The following TRDMT1 variants were observed in gnomAD, a reference collection of about 807,000 sequenced individuals.
TRDMT1 encodes the protein tRNA aspartic acid methyltransferase 1, also known as tRNA (cytosine(38)-C(5))-methyltransferase.
Under a neutral mutation model 51.2 loss-of-function variants are expected in TRDMT1, and 49 were observed. The ratio of observed to expected loss-of-function variants is 0.96; its 90% confidence interval spans 0.76 to 1.21. TRDMT1 has a LOEUF of 1.21. Among genes scored for constraint, TRDMT1 ranks in the 50% most tolerant of loss-of-function variants. TRDMT1 has a pLI of 0.00. For synonymous variants in TRDMT1, 187 were observed against 164.6 expected (o/e 1.14, Z -1.04); for missense variants, 534 against 462.3 (o/e 1.16, Z -1.42).
chr10:17,163,888 CAA>C (rs958466707), intron 3 of TRDMT1, among the ~76,000 whole-genome samples: 1 of 151,740 alleles, frequency 6.6e-6, no homozygotes, highest in East Asian at 1.9e-4. Context: ...GCTTACCAAC[CAA>C]AAAAAAGTCC....
At chr10:17,197,018 T>C (rs1845537104) in intron 1 of TRDMT1, among the ~76,000 whole-genome samples, 1 of 152,176 alleles carries the variant, frequency 6.6e-6, no homozygotes, top group Non-Finnish European at 1.5e-5. Context: ...GGGATAAAGC[T>C]TCACTGTGGC....
chr10:17,153,712 A>C, intron 9 of TRDMT1, 76 bp from the exon 10 acceptor site: 2 of 1,433,610 alleles, frequency 1.4e-6, no homozygotes, highest in East Asian at 2.4e-5. Context: ...GAGATAGTTG[A>C]AACTCGATGG....
intron 5 of TRDMT1, 90 bp from the exon 6 acceptor site, chr10:17,160,464 G>C: frequency 1.1e-6 from 1 of 905,118 alleles, no homozygotes; most frequent in South Asian, 2.4e-5. Context: ...TCTTTTGTTT[G>C]TTTTCTTGTT....
At chr10:17,182,213 T>C (rs1369818109) in intron 1 of TRDMT1, among the ~76,000 whole-genome samples, 2 of 152,130 alleles carry the variant, frequency 1.3e-5, no homozygotes, top group Admixed American at 1.3e-4. Context: ...GGAGAACATA[T>C]ATAAAAATGC....
At chr10:17,172,563 A>G (rs1429069664) in intron 2 of TRDMT1, among the ~76,000 whole-genome samples, 2 of 152,198 alleles carry the variant, frequency 1.3e-5, no homozygotes, top group African/African-American at 2.4e-5. Flanking sequence ...TTTTTTACTC[A>G]AAAGCACCAA....
At chr10:17,165,441 T>G (rs1337423835) in intron 3 of TRDMT1, among the ~76,000 whole-genome samples, 1 of 152,114 alleles carries the variant, frequency 6.6e-6, no homozygotes, top group Non-Finnish European at 1.5e-5. Flanking sequence ...GGCAATACCA[T>G]TCAGGACATA....
chr10:17,153,493 C>A lies in TRDMT1; in HGVS notation c.1075+14G>T, dbSNP rs758230604. The A allele has an allele frequency of 1.2e-6, 2 of 1,613,326 alleles. No individual in the cohort carries two copies. The highest frequency in any genetic ancestry group is 1.7e-6 in the Non-Finnish European group (2 of 1,179,692). ...TAATACATGAAAGCTGAATTCTGCA[C>A]GTATCCCACATACCGAACTCTGGAG... is the stretch of plus-strand genomic sequence containing the variant. On this transcript the variant is annotated intron_variant, in intron 10 of 10. Coordinates refer to ENST00000377799, the MANE Select transcript of TRDMT1 (RefSeq NM_004412.7).
rs1029660925 is a variant in TRDMT1 at position 17,144,967 on chromosome 10, G to T, written c.*4073C>A. 35 of 985,268 alleles carry T rather than the reference G, an allele frequency of 3.6e-5. No homozygotes were observed. Among genetic ancestry groups the T allele is most frequent in the Non-Finnish European group, 4.2e-5 (35 of 829,940 alleles). The allele number at this position is 985,268 out of a possible 1,614,324, so 61.0% of individuals were successfully genotyped here. On this transcript the variant is annotated 3_prime_UTR_variant, in exon 11 of 11. Coordinates refer to ENST00000377799, the MANE Select transcript of TRDMT1 (RefSeq NM_004412.7). ...CTTTTTAAAAAACATGCAAAGGGAG[G>T]CTGGGCGTGGTGGCTCATGCCTGTA...
Position 17,145,277 on chromosome 10 carries a change from C to A in TRDMT1, c.*3763G>T, listed in dbSNP as rs867810165. ...CAAAACAAAACAAAACAAAACAAAA[C>A]AAAAAAAACAGCAAAGGGAAACTCT... On this transcript the variant is annotated 3_prime_UTR_variant, in exon 11 of 11. Coordinates refer to ENST00000377799, the MANE Select transcript of TRDMT1 (RefSeq NM_004412.7). The A allele has an allele frequency of 2.1e-6, 2 of 940,486 alleles. No homozygotes were observed. The highest frequency in any genetic ancestry group is 2.5e-6 in the Non-Finnish European group (2 of 790,854). 58.3% of individuals were successfully genotyped at this position (940,486 alleles called of 1,614,324 possible).
Position 17,148,123 on chromosome 10 carries a change from G to T in TRDMT1, c.*917C>A. The T allele has an allele frequency of 1.0e-6, 1 of 985,314 alleles. No individual in the cohort carries two copies. The highest frequency in any genetic ancestry group is 1.1e-4 in the East Asian group (1 of 8,808). 61.0% of individuals were successfully genotyped at this position (985,314 alleles called of 1,614,324 possible). On this transcript the variant is annotated 3_prime_UTR_variant, in exon 11 of 11. Transcript: ENST00000377799. ...GTTTGATTAGAAACCCTAATTCCAA[G>T]AGGTCTGCTGAGGAAGAGAGACAGA...
chr10:17,180,343 C>T (rs1024584841), intron 1 of TRDMT1, among the ~76,000 whole-genome samples: 2 of 151,986 alleles, frequency 1.3e-5, no homozygotes, highest in Non-Finnish European at 2.9e-5. Flanking sequence ...GAGTTTGAGA[C>T]CAGCCTGGCC....
intron 1 of TRDMT1, among the ~76,000 whole-genome samples, chr10:17,191,773 C>T (rs189028161): frequency 6.6e-6 from 1 of 152,202 alleles, no homozygotes; most frequent in East Asian, 1.9e-4. Flanking sequence ...CCTTTCTCAT[C>T]CTGTCTGTTA....
chr10:17,154,650 G>A lies in TRDMT1; in HGVS notation c.945+27C>T, dbSNP rs771231409. ...CAATTTTAGTTAAAAGTTTTAAAGT[G>A]TTTTAGCTTTAAAACATGCATAGTA... On this transcript the variant is annotated intron_variant, in intron 9 of 10. Transcript: ENST00000377799. 5.2e-6 allele frequency: 8 copies of A among 1,549,888 alleles called. No individual in the cohort carries two copies. The South Asian group carries it at 9.0e-5, about 17-fold the overall frequency.
chr10:17,150,553 T>A (rs1838555663), intron 10 of TRDMT1: 1 of 985,332 alleles, frequency 1.0e-6, no homozygotes, highest in Non-Finnish European at 1.2e-6. Flanking sequence ...TGCACTATAA[T>A]GTTAGTTATA....
intron 3 of TRDMT1, among the ~76,000 whole-genome samples, chr10:17,165,179 T>C (rs1022629994): frequency 6.6e-6 from 1 of 152,006 alleles, no homozygotes; most frequent in African/African-American, 2.4e-5. Context: ...GAGATATAGA[T>C]CAATGGAACA....
In TRDMT1 at chr10:17,146,940, CA is replaced by C; in HGVS notation, c.*2099del. 1.0e-6 allele frequency: 1 copy of C among 985,328 alleles called. No homozygotes were observed. The highest frequency in any genetic ancestry group is 1.2e-6 in the Non-Finnish European group (1 of 829,894). The allele number at this position is 985,328 out of a possible 1,614,324, so 61.0% of individuals were successfully genotyped here. ...CATATTTTCAATTATGAATTAAGGG[CA>C]AGAATCACCGTCTTCCTGTGAATAC... On this transcript the variant is annotated 3_prime_UTR_variant, in exon 11 of 11. Transcript: ENST00000377799.
At position 17,148,132 on chromosome 10, in the gene TRDMT1, T is replaced by C; in HGVS notation, c.*908A>G. ...GAAACCCTAATTCCAAGAGGTCTGC[T>C]GAGGAAGAGAGACAGAGAAAGTTAA... On this transcript the variant is annotated 3_prime_UTR_variant, in exon 11 of 11. Coordinates refer to ENST00000377799, the MANE Select transcript of TRDMT1 (RefSeq NM_004412.7). 1 of 985,400 alleles carries C rather than the reference T, an allele frequency of 1.0e-6. No individual in the cohort carries two copies. The highest frequency in any genetic ancestry group is 1.2e-6 in the Non-Finnish European group (1 of 829,934). 61.0% of individuals were successfully genotyped at this position (985,400 alleles called of 1,614,324 possible). A position where few individuals can be genotyped will look rare whatever the true frequency, so the allele number is the denominator to read the frequency against.
At chr10:17,175,455 C>A (rs1363013875) in intron 1 of TRDMT1, among the ~76,000 whole-genome samples, 2 of 152,054 alleles carry the variant, frequency 1.3e-5, no homozygotes, top group African/African-American at 4.8e-5. Context: ...TTTACAATGA[C>A]CACCCTCTTT....
At chr10:17,154,617 G>T in intron 9 of TRDMT1, 60 bp downstream of exon 9, 1 of 1,363,930 alleles carries the variant, frequency 7.3e-7, no homozygotes. Flanking sequence ...TGTTCTCAAA[G>T]TATTAAACAA....
Sources: gnomAD v4.1 joint callset for allele counts (sites outside exome capture counted in the v4.1 genomes callset) on GRCh38, gnomAD v4.1.1 for gene constraint, MANE v1.5 for transcripts, NCBI Gene and HGNC (gene_info 2026-07-23, HGNC 2026-07-21) for gene names.